Variants in YTHDC2 observed in about 807,000 individuals in gnomAD.
YTHDC2 encodes the protein 3'-5' RNA helicase YTHDC2.
In YTHDC2, 45 loss-of-function variants were observed where a neutral mutation model predicts 174.9. The ratio of observed to expected loss-of-function variants is 0.26; its 90% CI spans 0.20 to 0.33. The LOEUF (loss-of-function observed/expected upper bound fraction) is 0.33. Ranked by LOEUF, YTHDC2 falls within the 10% of genes least tolerant of loss-of-function variation. YTHDC2 has a pLI of 1.00. For synonymous variants in YTHDC2, 657 were observed against 574.5 expected, an observed-to-expected ratio of 1.14 and a Z score of -2.05; for missense variants, 1,650 against 1,723.7, an observed-to-expected ratio of 0.96 and a Z score of 0.76.
intron 8 of YTHDC2, among the ~76,000 whole-genome samples, chr5:113,539,855 T>A (rs545672336): frequency 6.6e-6 from 1 of 152,160 alleles, no homozygotes; most frequent in African/African-American, 2.4e-5. Context: ...GAATTACTGA[T>A]ATGTAAGTTG....
Position 113,539,099 on chromosome 5 carries a change from A to G in YTHDC2, c.1128A>G (p.Lys376=). ...TACAGGGAAGACCATTTGAAGTAAA[A>G]GAAATGTTTCTGGAAGATATTTTAA... The part of the protein sequence containing the change: ...IYIQGRPFEV[K]EMFLEDILRT... The change falls in exon 8 of 30, where the codon AAA becomes AAG. Residue 376 remains lysine (K), a synonymous_variant. Transcript: ENST00000161863. 1.4e-6 allele frequency: 2 copies of G among 1,427,150 alleles called. No individual in the cohort carries two copies. The highest frequency in any genetic ancestry group is 1.4e-5 in the South Asian group (1 of 69,742). 88.4% of individuals were successfully genotyped at this position (1,427,150 alleles called of 1,614,324 possible).
intron 2 of YTHDC2, among the ~76,000 whole-genome samples, chr5:113,517,177 G>C (rs1385467618): frequency 1.3e-5 from 2 of 152,088 alleles, no homozygotes; most frequent in African/African-American, 4.8e-5. Flanking sequence ...GAAATTCTAT[G>C]AATATTCACA....
At chr5:113,558,871 G>A (rs868205626) in intron 17 of YTHDC2, among the ~76,000 whole-genome samples, 2 of 147,394 alleles carry the variant, frequency 1.4e-5, no homozygotes, top group African/African-American at 2.5e-5. Flanking sequence ...GCATTGAGCC[G>A]AGACCACGCC....
Position 113,556,155 on chromosome 5 carries a change from A to G in YTHDC2, c.2216+21A>G, listed in dbSNP as rs766432955. 11 of 1,423,886 alleles carry G rather than the reference A, an allele frequency of 7.7e-6. No individual in the cohort carries two copies. In the South Asian group the frequency reaches 1.4e-4, roughly 18 times the overall value. The allele number at this position is 1,423,886 out of a possible 1,614,324, so 88.2% of individuals were successfully genotyped here. On this transcript the variant is annotated intron_variant, in intron 17 of 29. Coordinates refer to ENST00000161863, the MANE Select transcript of YTHDC2 (RefSeq NM_022828.5). ...GGCAGGTAATGTATATTTAATGTAT[A>G]TTCATTCAATTGCCTGTAAAATGGA...
chr5:113,573,490 G>A (rs1377269004), intron 23 of YTHDC2, among the ~76,000 whole-genome samples: 1 of 151,992 alleles, frequency 6.6e-6, no homozygotes, highest in Non-Finnish European at 1.5e-5. Flanking sequence ...GGGTTCTCTG[G>A]ATTTCCTGAA....
At chr5:113,534,256 A>G (rs376960992) in intron 5 of YTHDC2, 49 bp from the exon 6 acceptor site, 110 of 1,389,662 alleles carry the variant, frequency 7.9e-5, no homozygotes, top group Non-Finnish European at 2.4e-5. Context: ...TATTTTAGTT[A>G]CATGAAAAAC....
chr5:113,539,660 T>G (rs1025507875), intron 8 of YTHDC2, among the ~76,000 whole-genome samples: 1 of 152,234 alleles, frequency 6.6e-6, no homozygotes, highest in African/African-American at 2.4e-5. Context: ...ATGACATATT[T>G]CAGCTTTTGA....
chr5:113,564,810 T>C (rs1429205182), intron 20 of YTHDC2, among the ~76,000 whole-genome samples: 2 of 152,182 alleles, frequency 1.3e-5, no homozygotes, highest in Non-Finnish European at 2.9e-5. Context: ...ACTGTGTCTA[T>C]ACATTTTTTT....
chr5:113,574,798 A>G (rs1244644367), intron 23 of YTHDC2, among the ~76,000 whole-genome samples: 5 of 129,186 alleles, frequency 3.9e-5, no homozygotes, highest in Admixed American at 2.4e-4. Flanking sequence ...GGGCCAGAGT[A>G]TGTAAAACTC....
intron 3 of YTHDC2, 67 bp downstream of exon 3, chr5:113,525,244 G>C (rs1176398795): frequency 7.6e-7 from 1 of 1,316,604 alleles, no homozygotes; most frequent in South Asian, 1.7e-5. Flanking sequence ...TTCCATTTTA[G>C]ATTTATTTTC....
At chr5:113,514,210 G>A in intron 1 of YTHDC2, 128 bp downstream of exon 1, 3 of 1,259,176 alleles carry the variant, frequency 2.4e-6, no homozygotes, top group Non-Finnish European at 3.4e-6. Context: ...GCCACCGTCC[G>A]GGGCGGGCCT....
intron 25 of YTHDC2, 149 bp from the exon 26 acceptor site, chr5:113,584,153 G>A: frequency 1.6e-6 from 1 of 620,994 alleles, no homozygotes; most frequent in Non-Finnish European, 2.5e-6. Context: ...CCTGACCTTA[G>A]TATTTTTAAA....
chr5:113,580,639 A>G (rs931868267), intron 24 of YTHDC2, among the ~76,000 whole-genome samples: 1 of 152,134 alleles, frequency 6.6e-6, no homozygotes, highest in African/African-American at 2.4e-5. Flanking sequence ...TCATCACTTC[A>G]CTGAAACTGT....
chr5:113,532,009 T>C (rs1282149238), intron 4 of YTHDC2, among the ~76,000 whole-genome samples: 4 of 152,194 alleles, frequency 2.6e-5, no homozygotes, highest in Non-Finnish European at 4.4e-5. Context: ...TCTAAAACTC[T>C]GGAGATAGGT....
chr5:113,546,058 G>GT (rs1314823012), intron 10 of YTHDC2, among the ~76,000 whole-genome samples: 1 of 152,064 alleles, frequency 6.6e-6, no homozygotes, highest in African/African-American at 2.4e-5. Flanking sequence ...ATTTTTAAAA[G>GT]TAACTTTTTG....
At chr5:113,559,004 T>A (rs1156667207) in intron 17 of YTHDC2, among the ~76,000 whole-genome samples, 1 of 151,400 alleles carries the variant, frequency 6.6e-6, no homozygotes, top group Non-Finnish European at 1.5e-5. Context: ...TAAGAAGATA[T>A]AATACAGATG....
At chr5:113,561,245 T>A in intron 18 of YTHDC2, 60 bp downstream of exon 18, 6 of 1,315,264 alleles carry the variant, frequency 4.6e-6, no homozygotes, top group Non-Finnish European at 6.4e-6. Flanking sequence ...AGGGGCCATT[T>A]CAACTTCTAT....
intron 23 of YTHDC2, among the ~76,000 whole-genome samples, chr5:113,573,242 G>C (rs765258135): frequency 1.8e-4 from 28 of 152,148 alleles, no homozygotes; most frequent in Non-Finnish European, 3.7e-4. Context: ...AGTTTGGCTG[G>C]ATATGAAATT....
chr5:113,536,350 C>T (rs1253546857), intron 7 of YTHDC2, among the ~76,000 whole-genome samples: 2 of 152,104 alleles, frequency 1.3e-5, no homozygotes, highest in East Asian at 3.9e-4. Flanking sequence ...ACAGTGAAAC[C>T]CTGTCTCTAC....
Sources: gnomAD v4.1 joint callset for allele counts (sites outside exome capture counted in the v4.1 genomes callset) on GRCh38, gnomAD v4.1.1 for gene constraint, MANE v1.5 for transcripts, NCBI Gene and HGNC (gene_info 2026-07-23, HGNC 2026-07-21) for gene names.